The following CDH4 variants were observed in gnomAD, a reference collection of about 807,000 sequenced individuals.
CDH4 encodes cadherin-4.
CDH4 carries 33 observed loss-of-function variants against 86.0 expected under a neutral mutation model. That is an observed-to-expected ratio of 0.38 (90% CI 0.29 to 0.51). The LOEUF (loss-of-function observed/expected upper bound fraction) is 0.51, where lower values mean the gene tolerates loss of function less well. CDH4 is among the 20% of genes least tolerant of loss of function. CDH4 has a pLI of 0.86. For missense variants in CDH4, 1,114 were observed against 1,307.4 expected (o/e 0.85, Z 2.28); for synonymous variants, 555 against 549.4 (o/e 1.01, Z -0.14).
At chr20:61,334,272 G>A (rs1478151532) in intron 2 of CDH4, among the ~76,000 whole-genome samples, 1 of 152,110 alleles carries the variant, frequency 6.6e-6, no homozygotes, top group Non-Finnish European at 1.5e-5. Context: ...TCCTATTTTT[G>A]TGGTGTCTCA....
chr20:61,877,030 C>T (rs535683937), intron 7 of CDH4, among the ~76,000 whole-genome samples: 5 of 152,184 alleles, frequency 3.3e-5, no homozygotes, highest in Non-Finnish European at 4.4e-5. Flanking sequence ...ACGGAGCCCA[C>T]GACCCCCTGG....
chr20:61,422,732 G>A (rs2085187139), intron 2 of CDH4, among the ~76,000 whole-genome samples: 1 of 152,122 alleles, frequency 6.6e-6, no homozygotes. Context: ...GGCCTCAGGA[G>A]GCTTCTGAGA....
chr20:61,340,280 C>CTGTT (rs2084643239), intron 2 of CDH4, among the ~76,000 whole-genome samples: 1 of 152,102 alleles, frequency 6.6e-6, no homozygotes, highest in African/African-American at 2.4e-5. Flanking sequence ...TGGAGGGCAC[C>CTGTT]AGGGAGATGG....
At position 61,587,446 on chromosome 20, in the gene CDH4, C is replaced by G. The variant is rs536950210; in HGVS notation, c.170-156117C>G. Among the ~76,000 whole-genome samples the G allele has an allele frequency of 5.5e-4, 83 of 152,280 alleles. No individual in the cohort carries two copies. In the South Asian group the frequency reaches 0.016, roughly 29 times the overall value. On this transcript the variant is annotated intron_variant, in intron 2 of 15. Transcript: ENST00000614565. ...AAATTAGTTTCCAAATCAGTTTGAC[C>G]AAGATAACATTGAATCTGAGGCCTG...
chr20:61,573,616 C>T (rs2145709305), intron 2 of CDH4, among the ~76,000 whole-genome samples: 1 of 152,246 alleles, frequency 6.6e-6, no homozygotes, highest in South Asian at 2.1e-4. Context: ...AGCCTCGGGG[C>T]CTCCTGGCTT....
intron 8 of CDH4, among the ~76,000 whole-genome samples, chr20:61,907,435 CAGCTCCCTGT>C (rs1456580149): frequency 5.3e-5 from 8 of 152,124 alleles, no homozygotes; most frequent in Non-Finnish European, 4.4e-5. Flanking sequence ...ATCAGGCAGG[CAGCTCCCTGT>C]ACCTCACTCT....
At chr20:61,446,818 A>C (rs2085353047) in intron 2 of CDH4, among the ~76,000 whole-genome samples, 1 of 152,168 alleles carries the variant, frequency 6.6e-6, no homozygotes, top group Non-Finnish European at 1.5e-5. Flanking sequence ...AGTGTGTACA[A>C]TTATATATAT....
chr20:61,448,647 C>T (rs536313204), intron 2 of CDH4, among the ~76,000 whole-genome samples: 2 of 152,222 alleles, frequency 1.3e-5, no homozygotes, highest in East Asian at 3.9e-4. Context: ...TGCATTATCA[C>T]CATTCTGGTG....
At position 61,886,359 on chromosome 20, in the gene CDH4, C is replaced by T. The variant is rs1175905526; in HGVS notation, c.1051-8551C>T. On this transcript the variant is annotated intron_variant, in intron 7 of 15. Coordinates refer to ENST00000614565, the MANE Select transcript of CDH4 (RefSeq NM_001794.5). ...GCCTGCATTATTGATGGCTGTTCTGCAAAATTTACATGCTGAGCTATGGGG... is the reference window on the plus strand; with the variant it reads ...GCCTGCATTATTGATGGCTGTTCTGTAAAATTTACATGCTGAGCTATGGGG... 5.9e-5 allele frequency among the ~76,000 whole-genome samples: 9 copies of T among 152,362 alleles called. No homozygotes were observed. In the East Asian group the frequency reaches 1.7e-3, roughly 29 times the overall value.
In CDH4 at chr20:61,684,259, G is replaced by A. The variant is rs2087550515; in HGVS notation, c.170-59304G>A. On this transcript the variant is annotated intron_variant, in intron 2 of 15. Transcript: ENST00000614565. The surrounding 1 kb of genome is among the most constrained non-coding windows in gnomAD (Gnocchi z 4.5). ...TGAGGGGGACTGGCCGGCCTGGGAA[G>A]TGGCCTGGGAGGTGCTCAGAGGGTG... Among the ~76,000 whole-genome samples, 1 of 152,224 alleles carries A rather than the reference G, an allele frequency of 6.6e-6. No homozygotes were observed. The highest frequency in any genetic ancestry group is 1.5e-5 in the Non-Finnish European group (1 of 68,038).
intron 3 of CDH4, among the ~76,000 whole-genome samples, chr20:61,757,464 C>A (rs1025434985): frequency 1.3e-5 from 2 of 152,254 alleles, no homozygotes; most frequent in African/African-American, 4.8e-5. Flanking sequence ...TCTGGGCCAG[C>A]CCTTCACTTG....
At chr20:61,577,008 A>G (rs1271501167) in intron 2 of CDH4, among the ~76,000 whole-genome samples, 1 of 152,264 alleles carries the variant, frequency 6.6e-6, no homozygotes, top group African/African-American at 2.4e-5. Context: ...TGGCTGTAGG[A>G]GTGCATGGAA....
chr20:61,640,431 G>T (rs58483958), intron 2 of CDH4, among the ~76,000 whole-genome samples: 1 of 152,172 alleles, frequency 6.6e-6, no homozygotes, highest in East Asian at 1.9e-4. Context: ...CACATTTTCC[G>T]AGTGTAGACC....
rs1270595709 is a variant in CDH4 at position 61,565,146 on chromosome 20, T to A, written c.170-178417T>A. Among the ~76,000 whole-genome samples the A allele has an allele frequency of 6.2e-4, 58 of 93,312 alleles. 2 individuals are homozygous for A. Among genetic ancestry groups the A allele is most frequent in the African/African-American group, 2.1e-3 (42 of 19,640 alleles). 61.2% of individuals were successfully genotyped at this position (93,312 alleles called of 152,430 possible). On this transcript the variant is annotated intron_variant, in intron 2 of 15. Coordinates refer to ENST00000614565, the MANE Select transcript of CDH4 (RefSeq NM_001794.5). ...CTTGGTGGTGCTGGTCCTCTTGGTG[T>A]TGGTAGTGGTCCTCTTGGTGATGGG...
intron 4 of CDH4, among the ~76,000 whole-genome samples, chr20:61,779,129 A>G (rs924940194): frequency 1.8e-4 from 28 of 152,240 alleles, no homozygotes; most frequent in African/African-American, 6.0e-4. Flanking sequence ...CAGAATGAGG[A>G]TAAAATGAAA....
chr20:61,892,734 A>G (rs140573519), intron 7 of CDH4, among the ~76,000 whole-genome samples: 1 of 152,298 alleles, frequency 6.6e-6, no homozygotes, highest in Non-Finnish European at 1.5e-5. Context: ...CTATTTATTT[A>G]GCTCACAATT....
intron 2 of CDH4, among the ~76,000 whole-genome samples, chr20:61,299,033 T>A (rs1174209011): frequency 6.6e-6 from 1 of 152,134 alleles, no homozygotes; most frequent in African/African-American, 2.4e-5. Flanking sequence ...TTTTGCTGAA[T>A]CCCAACTCCA....
intron 2 of CDH4, among the ~76,000 whole-genome samples, chr20:61,639,387 C>T (rs1212953327): frequency 6.6e-6 from 1 of 152,208 alleles, no homozygotes; most frequent in Non-Finnish European, 1.5e-5. Context: ...CTCAGCATGG[C>T]AAGTGCCATT....
intron 2 of CDH4, among the ~76,000 whole-genome samples, chr20:61,389,267 G>A (rs1039465522): frequency 4.6e-5 from 7 of 152,174 alleles, no homozygotes; most frequent in Admixed American, 6.5e-5. Flanking sequence ...TGGCTTTTCC[G>A]CCTTGACCAT....
Sources: allele counts gnomAD v4.1 joint callset (sites outside exome capture counted in the v4.1 genomes callset), GRCh38; gene constraint gnomAD v4.1.1; non-coding constraint Gnocchi (gnomAD v3.1); transcripts MANE v1.5; gene names NCBI Gene and HGNC (gene_info 2026-07-23, HGNC 2026-07-21).